The following TBC1D22A variants were observed in gnomAD, a reference collection of about 807,000 sequenced individuals.
TBC1D22A encodes TBC1 domain family member 22A.
Under a neutral mutation model 60.2 loss-of-function variants are expected in TBC1D22A, and 38 were observed. That is an observed-to-expected ratio of 0.63 (90% CI 0.49 to 0.83). TBC1D22A has a LOEUF of 0.83. Ranked by LOEUF, TBC1D22A falls within the 40% of genes least tolerant of loss-of-function variation. The pLI is 0.00. For missense variants in TBC1D22A, 628 were observed against 701.0 expected, an observed-to-expected ratio of 0.90 and a Z score of 1.18; for synonymous variants, 302 against 281.7, an observed-to-expected ratio of 1.07 and a Z score of -0.72.
At chr22:47,076,398 CACACACACACAT>C (rs776181230) in intron 11 of TBC1D22A, among the ~76,000 whole-genome samples, 1,385 of 102,212 alleles carry the variant, frequency 0.014, 24 homozygotes, top group Middle Eastern at 0.085. Flanking sequence ...CACACACACA[CACACACACACAT>C]ATATATATAT....
intron 4 of TBC1D22A, among the ~76,000 whole-genome samples, chr22:46,872,580 G>A (rs1413074627): frequency 3.9e-5 from 6 of 152,230 alleles, no homozygotes; most frequent in African/African-American, 1.4e-4. Context: ...TGAGATAGGA[G>A]ATAAGTAAGG....
chr22:47,130,859 A>G (rs541578829), intron 12 of TBC1D22A, among the ~76,000 whole-genome samples: 7 of 152,320 alleles, frequency 4.6e-5, no homozygotes, highest in Non-Finnish European at 7.4e-5. Context: ...TTGCATTGCT[A>G]TAAAGGAACA....
chr22:46,796,070 G>A (rs2084638286), intron 3 of TBC1D22A, among the ~76,000 whole-genome samples: 1 of 152,154 alleles, frequency 6.6e-6, no homozygotes, highest in South Asian at 2.1e-4. Context: ...CCAGCCCACT[G>A]CTTGGTGTGC....
intron 10 of TBC1D22A, among the ~76,000 whole-genome samples, chr22:47,030,595 A>G (rs118187371): frequency 0.02 from 3,112 of 152,320 alleles, 61 homozygotes; most frequent in South Asian, 0.083. Flanking sequence ...GCCCTGCCAC[A>G]TAAGGGCTTT....
chr22:47,032,348 C>T (rs932375856), intron 10 of TBC1D22A, among the ~76,000 whole-genome samples: 33 of 152,320 alleles, frequency 2.2e-4, no homozygotes, highest in African/African-American at 7.5e-4. Flanking sequence ...TCCCTGCCCT[C>T]GAGGAAGTCA....
intron 11 of TBC1D22A, among the ~76,000 whole-genome samples, chr22:47,059,087 T>C (rs1352430662): frequency 6.6e-6 from 1 of 152,204 alleles, no homozygotes; most frequent in Non-Finnish European, 1.5e-5. Context: ...TCAGTAAGCG[T>C]TGTGATGGCC....
chr22:46,832,494 T>C (rs775861510), intron 4 of TBC1D22A, among the ~76,000 whole-genome samples: 4 of 151,778 alleles, frequency 2.6e-5, no homozygotes, highest in Non-Finnish European at 4.4e-5. Flanking sequence ...ACTAAAAATA[T>C]AAAAAGCTGG....
At chr22:46,974,877 G>A (rs2074232985) in intron 9 of TBC1D22A, among the ~76,000 whole-genome samples, 1 of 152,248 alleles carries the variant, frequency 6.6e-6, no homozygotes, top group South Asian at 2.1e-4. Context: ...CTCCCAGAGA[G>A]CAACACGAGC....
chr22:47,086,924 C>T (rs2064717667), intron 11 of TBC1D22A, among the ~76,000 whole-genome samples: 1 of 152,240 alleles, frequency 6.6e-6, no homozygotes, highest in African/African-American at 2.4e-5. Context: ...GCACTGTTTG[C>T]AGTAGCAAAA....
chr22:47,081,986 C>T (rs977680105), intron 11 of TBC1D22A, among the ~76,000 whole-genome samples: 3 of 152,154 alleles, frequency 2.0e-5, no homozygotes, highest in Non-Finnish European at 2.9e-5. Flanking sequence ...GGTGAAACCC[C>T]GTCTCTACTA....
At chr22:46,792,734 A>T (rs960193524) in intron 2 of TBC1D22A, 158 bp downstream of exon 2, 1 of 1,532,088 alleles carries the variant, frequency 6.5e-7, no homozygotes, top group African/African-American at 1.4e-5. Context: ...TTTGTGTGAG[A>T]TACTGTGCAC....
At chr22:46,869,004 G>C (rs2067183511) in intron 4 of TBC1D22A, among the ~76,000 whole-genome samples, 1 of 152,162 alleles carries the variant, frequency 6.6e-6, no homozygotes, top group African/African-American at 2.4e-5. Flanking sequence ...GCCCTCAGTT[G>C]GCCGCTCCGT....
chr22:46,927,631 GA>G (rs1296780381), intron 8 of TBC1D22A, among the ~76,000 whole-genome samples: 3 of 151,952 alleles, frequency 2.0e-5, no homozygotes, highest in South Asian at 4.1e-4. Flanking sequence ...ATCCAGAATG[GA>G]AAAAAATAAA....
chr22:46,834,167 T>C (rs2086422617), intron 4 of TBC1D22A, among the ~76,000 whole-genome samples: 1 of 151,898 alleles, frequency 6.6e-6, no homozygotes, highest in South Asian at 2.1e-4. Context: ...GACTGCTGGG[T>C]TGACTAAAAT....
chr22:47,146,041 A>C (rs537021246), intron 12 of TBC1D22A, among the ~76,000 whole-genome samples: 1 of 148,920 alleles, frequency 6.7e-6, no homozygotes, highest in Non-Finnish European at 1.5e-5. Context: ...TGGCGCAGAG[A>C]TGCACTGGAT....
At chr22:47,171,616 T>G (rs1274543287) in intron 12 of TBC1D22A, among the ~76,000 whole-genome samples, 1 of 152,186 alleles carries the variant, frequency 6.6e-6, no homozygotes, top group Non-Finnish European at 1.5e-5. Flanking sequence ...CACTCAGCCC[T>G]CTCTGATCCC....
intron 11 of TBC1D22A, among the ~76,000 whole-genome samples, chr22:47,051,718 C>T (rs1006520432): frequency 6.6e-6 from 1 of 152,216 alleles, no homozygotes; most frequent in South Asian, 2.1e-4. Flanking sequence ...CGGCACCTCC[C>T]TGCAGCCCCA....
chr22:46,815,207 T>G (rs2085543033), intron 4 of TBC1D22A, among the ~76,000 whole-genome samples: 1 of 152,242 alleles, frequency 6.6e-6, no homozygotes, highest in South Asian at 2.1e-4. Flanking sequence ...GAACACTTCC[T>G]TGTGTATTTC....
chr22:47,000,792 A>C (rs937114239), intron 10 of TBC1D22A, among the ~76,000 whole-genome samples: 1 of 152,018 alleles, frequency 6.6e-6, no homozygotes, highest in East Asian at 1.9e-4. Context: ...TTCCCACTGG[A>C]TAAGACCTTT....
Sources: gnomAD v4.1 joint callset for allele counts (sites outside exome capture counted in the v4.1 genomes callset) on GRCh38, gnomAD v4.1.1 for gene constraint, MANE v1.5 for transcripts, NCBI Gene and HGNC (gene_info 2026-07-23, HGNC 2026-07-21) for gene names.